POLR2F: variants seen among roughly 807,000 people sequenced by gnomAD.
POLR2F encodes DNA-directed RNA polymerases I, II, and III subunit RPABC2.
A neutral mutation model predicts 22.7 loss-of-function variants in POLR2F; 12 were observed. That is an observed-to-expected ratio of 0.53 (90% CI 0.34 to 0.86). The LOEUF is 0.86. POLR2F is among the 40% of genes least tolerant of loss of function. The pLI is 0.02. For missense variants in POLR2F, 126 were observed against 171.5 expected (o/e 0.73, Z 1.48); for synonymous variants, 57 against 66.0 (o/e 0.86, Z 0.66).
intron 5 of POLR2F, among the ~76,000 whole-genome samples, chr22:38,037,619 G>C (rs2085129478): frequency 6.7e-6 from 1 of 148,190 alleles, no homozygotes; most frequent in Non-Finnish European, 1.5e-5. Flanking sequence ...TTGAGACGGA[G>C]TCTCCCTCTG....
At chr22:38,013,100 C>A (rs2084885952) in intron 1 of POLR2F, among the ~76,000 whole-genome samples, 1 of 150,396 alleles carries the variant, frequency 6.6e-6, no homozygotes, top group Non-Finnish European at 1.5e-5. Flanking sequence ...CCCTTCCTTC[C>A]CTTCCTTCCC....
At chr22:38,008,633 A>G (rs2084844345) in intron 1 of POLR2F, among the ~76,000 whole-genome samples, 1 of 152,068 alleles carries the variant, frequency 6.6e-6, no homozygotes, top group East Asian at 1.9e-4. Context: ...GCACTTTGGG[A>G]GGCCGAGGCG....
intron 1 of POLR2F, chr22:38,025,525 A>C (rs2084999962): frequency 2.1e-6 from 3 of 1,428,180 alleles, no homozygotes; most frequent in Non-Finnish European, 2.8e-6. Flanking sequence ...AAATTCCCTG[A>C]TCGTCCCCCT....
At chr22:38,041,579 G>A (rs1346511276), downstream of POLR2F, 1 of 156,342 alleles carries the variant, frequency 6.4e-6, no homozygotes, top group East Asian at 1.9e-4. Flanking sequence ...TTAACTCATT[G>A]AACCCTCCCA....
chr22:38,024,265 C>T (rs907009615), intron 1 of POLR2F, among the ~76,000 whole-genome samples: 11 of 152,044 alleles, frequency 7.2e-5, no homozygotes, highest in Admixed American at 1.3e-4. Flanking sequence ...TATCTTGTGG[C>T]GTGTGTCAGA....
At chr22:38,009,357 G>T (rs1039559655) in intron 1 of POLR2F, among the ~76,000 whole-genome samples, 1 of 152,234 alleles carries the variant, frequency 6.6e-6, no homozygotes, top group African/African-American at 2.4e-5. Flanking sequence ...GGGAGGCCAG[G>T]AAGGAGGCCC....
downstream of POLR2F, chr22:37,972,777 G>A (rs1466376938): frequency 1.9e-5 from 3 of 156,586 alleles, no homozygotes; most frequent in South Asian, 5.6e-4. Flanking sequence ...GTCACCTCCT[G>A]GGATGCGTCT....
At chr22:37,979,675 A>T (rs1932335783) in intron 4 of POLR2F, among the ~76,000 whole-genome samples, 1 of 152,056 alleles carries the variant, frequency 6.6e-6, no homozygotes, top group Non-Finnish European at 1.5e-5. Context: ...AGAAGCCCTG[A>T]AGCCAGCGCC....
intron 4 of POLR2F, among the ~76,000 whole-genome samples, chr22:37,977,605 C>T (rs1932261096): frequency 6.6e-6 from 1 of 152,112 alleles, no homozygotes; most frequent in Non-Finnish European, 1.5e-5. Flanking sequence ...CAGGTGTGAG[C>T]CACCACACCC....
At chr22:38,030,109 T>C (rs1316643475), downstream of POLR2F, among the ~76,000 whole-genome samples, 1 of 152,146 alleles carries the variant, frequency 6.6e-6, no homozygotes, top group African/African-American at 2.4e-5. Context: ...GCTGGGAAGA[T>C]TGCCTGGGCC....
intron 1 of POLR2F, among the ~76,000 whole-genome samples, chr22:38,024,390 A>G (rs1257321082): frequency 6.6e-6 from 1 of 152,200 alleles, no homozygotes; most frequent in Admixed American, 6.5e-5. Context: ...TGATGCTGCT[A>G]TGAATACGTG....
chr22:38,029,989 TGAG>T (rs1350013117), downstream of POLR2F, among the ~76,000 whole-genome samples: 2 of 152,110 alleles, frequency 1.3e-5, no homozygotes, highest in African/African-American at 4.8e-5. Flanking sequence ...TGAGCCAAGG[TGAG>T]GCTGTTGCAG....
At chr22:38,008,621 C>G (rs1298411814) in intron 1 of POLR2F, among the ~76,000 whole-genome samples, 1 of 151,446 alleles carries the variant, frequency 6.6e-6, no homozygotes, top group East Asian at 1.9e-4. Flanking sequence ...CCTGTACTCC[C>G]AGCACTTTGG....
intron 1 of POLR2F, chr22:38,025,618 C>T (rs1339136746): frequency 6.4e-7 from 1 of 1,558,060 alleles, no homozygotes; most frequent in Non-Finnish European, 8.7e-7. Flanking sequence ...TGAGACCCTC[C>T]TACGCACTGG....
At chr22:37,983,679 C>T (rs770004606), upstream of POLR2F, 2 of 1,563,084 alleles carry the variant, frequency 1.3e-6, no homozygotes, top group Admixed American at 3.7e-5. This position sits in a 1 kb window ranked among gnomAD's most constrained non-coding sequence, Gnocchi z 9.5. Flanking sequence ...CCGCCGCCGC[C>T]GCCGTCGGGC....
chr22:38,010,609 T>TG (rs1488980547), intron 1 of POLR2F, among the ~76,000 whole-genome samples: 1 of 131,122 alleles, frequency 7.6e-6, no homozygotes, highest in Non-Finnish European at 1.6e-5. Flanking sequence ...TGTGTTTTTT[T>TG]TTTTTTTTTT....
chr22:37,986,494 T>G lies in POLR2F; in HGVS notation c.120+182T>G. On this transcript the variant is annotated intron_variant, in intron 1 of 2. Transcript: ENST00000333418. This position sits in a 1 kb window ranked among gnomAD's most constrained non-coding sequence, Gnocchi z 4.7. ...GTCCCACAGCTGCCCCCTCTCTAAC[T>G]CCCTGCTTCCTCCTTTGCCCTCCTT... The G allele has an allele frequency of 7.4e-7, 1 of 1,358,080 alleles. No individual in the cohort carries two copies. The highest frequency in any genetic ancestry group is 2.0e-5 in the Admixed American group (1 of 50,780). The allele number at this position is 1,358,080 out of a possible 1,614,324, so 84.1% of individuals were successfully genotyped here.
At chr22:37,987,782 C>A (rs546049405) in intron 1 of POLR2F, 1 of 187,078 alleles carries the variant, frequency 5.3e-6, no homozygotes. Context: ...CCTGGGGGGT[C>A]CTGGCCTCCA....
Position 37,997,709 on chromosome 22 carries a change from G to T in POLR2F, c.120+11397G>T, listed in dbSNP as rs752489574. 6.6e-6 allele frequency among the ~76,000 whole-genome samples: 1 copy of T among 151,980 alleles called. No homozygotes were observed. The highest frequency in any genetic ancestry group is 2.4e-5 in the African/African-American group (1 of 41,360). ...CCCTGGGTCACCCTGCCCCTCCCTCGTGCCTGTGCCCAGCTCCGCATCTCC... is the reference window on the plus strand; with the variant it reads ...CCCTGGGTCACCCTGCCCCTCCCTCTTGCCTGTGCCCAGCTCCGCATCTCC... On this transcript the variant is annotated intron_variant, in intron 1 of 2. Transcript: ENST00000333418. The surrounding 1 kb of genome is among the most constrained non-coding windows in gnomAD (Gnocchi z 4.4).
Sources: gnomAD v4.1 joint callset for allele counts (sites outside exome capture counted in the v4.1 genomes callset) on GRCh38, gnomAD v4.1.1 for gene constraint, Gnocchi (gnomAD v3.1) non-coding constraint, MANE v1.5 for transcripts, NCBI Gene and HGNC (gene_info 2026-07-23, HGNC 2026-07-21) for gene names.